The following FBXO9 variants were observed in gnomAD, a reference collection of about 807,000 sequenced individuals.
The protein encoded by FBXO9 is F-box only protein 9.
Under a neutral mutation model 63.7 loss-of-function variants are expected in FBXO9, and 43 were observed. The ratio of observed to expected loss-of-function variants is 0.67; its 90% CI spans 0.53 to 0.87. FBXO9 has a LOEUF of 0.87. Among genes scored for constraint, FBXO9 ranks in the 40% least tolerant of loss-of-function variants. The probability of loss-of-function intolerance (pLI) is 0.00; values close to 1 mark genes in which losing one functional copy is unlikely to be tolerated. For synonymous variants in FBXO9, 156 were observed against 171.7 expected (o/e 0.91, Z 0.72); for missense variants, 442 against 533.2 (o/e 0.83, Z 1.68).
At chr6:53,071,036 A>T (rs1020240754) in intron 1 of FBXO9, 21 bp from the exon 2 acceptor site, 2 of 1,561,290 alleles carry the variant, frequency 1.3e-6, no homozygotes, top group Non-Finnish European at 1.7e-6. Context: ...GCCTGACATT[A>T]TTTGGGTTTT....
At chr6:53,066,607 A>G (rs1021945431) in intron 1 of FBXO9, among the ~76,000 whole-genome samples, 6 of 152,256 alleles carry the variant, frequency 3.9e-5, no homozygotes, top group African/African-American at 1.4e-4. Context: ...GAATGGCTGA[A>G]TTTATTTTTA....
At chr6:53,090,308 C>T (rs1471496773) in intron 7 of FBXO9, among the ~76,000 whole-genome samples, 1 of 152,180 alleles carries the variant, frequency 6.6e-6, no homozygotes, top group African/African-American at 2.4e-5. Context: ...GGATTTTCTT[C>T]ACATTCATGA....
intron 7 of FBXO9, among the ~76,000 whole-genome samples, chr6:53,089,989 A>G (rs1249864029): frequency 3.3e-5 from 5 of 152,328 alleles, no homozygotes; most frequent in African/African-American, 4.8e-5. Context: ...GAGCATCACA[A>G]TGGGAATACA....
chr6:53,087,361 AAAG>A (rs966957503), intron 7 of FBXO9, among the ~76,000 whole-genome samples: 6 of 151,582 alleles, frequency 4.0e-5, no homozygotes, highest in African/African-American at 1.2e-4. Context: ...AAAAAAAAAA[AAAG>A]AGATAAACAT....
intron 7 of FBXO9, among the ~76,000 whole-genome samples, chr6:53,088,630 A>C (rs1581825891): frequency 1.4e-5 from 2 of 144,846 alleles, no homozygotes; most frequent in African/African-American, 2.6e-5. Flanking sequence ...GGACAGTCTC[A>C]CTCTGTCGCC....
intron 1 of FBXO9, among the ~76,000 whole-genome samples, chr6:53,066,324 C>G (rs1768697169): frequency 6.6e-6 from 1 of 152,160 alleles, no homozygotes; most frequent in Non-Finnish European, 1.5e-5. Flanking sequence ...AGGATGTTGG[C>G]AGGCGGTCCT....
chr6:53,072,647 GTTCT>G (rs1257932291), intron 2 of FBXO9, among the ~76,000 whole-genome samples: 1 of 152,128 alleles, frequency 6.6e-6, no homozygotes, highest in East Asian at 1.9e-4. Context: ...TGGGTAACAA[GTTCT>G]TTATTTCTGA....
rs1763301603 is a variant in FBXO9, at chr6:53,099,703, C to T, written c.*1873C>T. On this transcript the variant is annotated 3_prime_UTR_variant, in exon 13 of 13. Transcript: ENST00000323557. ...GCTACAGTGAGCCAAGATTGCACCACTGTGCTCCAGCCTGGGTGAGAAAGC... is the reference window on the plus strand; with the variant it reads ...GCTACAGTGAGCCAAGATTGCACCATTGTGCTCCAGCCTGGGTGAGAAAGC... The T allele has an allele frequency of 6.6e-6, 1 of 152,142 alleles. No homozygotes were observed. The highest frequency in any genetic ancestry group is 2.1e-4 in the South Asian group (1 of 4,820). 9.4% of individuals were successfully genotyped at this position (152,142 alleles called of 1,614,324 possible).
chr6:53,093,401 G>A (rs1763103354), intron 9 of FBXO9, 65 bp from the exon 10 acceptor site: 1 of 1,106,562 alleles, frequency 9.0e-7, no homozygotes, highest in Non-Finnish European at 1.4e-6. Flanking sequence ...GGTACTAATA[G>A]ATAAGGACAT....
chr6:53,093,810 G>A (rs1421750798), intron 10 of FBXO9, 75 bp from the exon 11 acceptor site: 1 of 1,176,732 alleles, frequency 8.5e-7, no homozygotes, highest in East Asian at 2.6e-5. Flanking sequence ...AAACACTGTT[G>A]TAATTTGTTA....
At chr6:53,077,848 A>G (rs531336329) in intron 4 of FBXO9, among the ~76,000 whole-genome samples, 7 of 152,296 alleles carry the variant, frequency 4.6e-5, no homozygotes, top group South Asian at 2.1e-4. Context: ...ATCCAGAATA[A>G]TAGAACATGG....
Position 53,093,997 on chromosome 6 carries a change from A to G in FBXO9, c.1053+19A>G. On this transcript the variant is annotated intron_variant, in intron 11 of 12. Transcript: ENST00000323557. Reference sequence around the variant, plus strand: ...AGAAGAAGTGAGTATACGAGGTGTAATTAATAGTTTTCTTATCTTAATAGC... The same window carrying G: ...AGAAGAAGTGAGTATACGAGGTGTAGTTAATAGTTTTCTTATCTTAATAGC... 1 of 1,480,114 alleles carries G rather than the reference A, an allele frequency of 6.8e-7. No individual in the cohort carries two copies. Among genetic ancestry groups the G allele is most frequent in the Non-Finnish European group, 9.1e-7 (1 of 1,093,956 alleles). The allele number at this position is 1,480,114 out of a possible 1,614,324, so 91.7% of individuals were successfully genotyped here.
At position 53,100,421 on chromosome 6, in the gene FBXO9, G is replaced by C. The variant is rs1351383053; in HGVS notation, c.*2591G>C. 1.3e-5 allele frequency: 2 copies of C among 152,154 alleles called. No individual in the cohort carries two copies. The highest frequency in any genetic ancestry group is 2.9e-5 in the Non-Finnish European group (2 of 68,024). 9.4% of individuals were successfully genotyped at this position (152,154 alleles called of 1,614,324 possible). On this transcript the variant is annotated 3_prime_UTR_variant, in exon 13 of 13. Coordinates refer to ENST00000323557, the MANE Select transcript of FBXO9 (RefSeq NM_033480.3). ...TCAGATCGTGCTGGAACTGTGTTCA[G>C]AAGATATCCTCAGAGGGAATCTGGC...
chr6:53,097,977 G>A lies in FBXO9; in HGVS notation c.*147G>A, dbSNP rs1256648608. The A allele has an allele frequency of 8.4e-6, 1 of 119,498 alleles. No individual in the cohort carries two copies. 7.4% of individuals were successfully genotyped at this position (119,498 alleles called of 1,614,324 possible). A position where few individuals can be genotyped will look rare whatever the true frequency, so the allele number is the denominator to read the frequency against. ...ATATATATATATATATATATATATG[G>A]AATTGGAACTTATTTTAAATTGTTG... On this transcript the variant is annotated 3_prime_UTR_variant, in exon 13 of 13. Coordinates refer to ENST00000323557, the MANE Select transcript of FBXO9 (RefSeq NM_033480.3).
chr6:53,075,031 G>T (rs1769049141), intron 3 of FBXO9, among the ~76,000 whole-genome samples: 1 of 152,160 alleles, frequency 6.6e-6, no homozygotes, highest in South Asian at 2.1e-4. Flanking sequence ...AACTGCCAAA[G>T]TGTTTTCTAG....
upstream of FBXO9, chr6:53,065,200 A>T (rs1768639548): frequency 6.6e-6 from 1 of 152,176 alleles, no homozygotes; most frequent in Non-Finnish European, 1.5e-5. Context: ...GGTTGTAAAA[A>T]TTTTTGAGGT....
intron 6 of FBXO9, among the ~76,000 whole-genome samples, chr6:53,082,198 T>TCA (rs755166513): frequency 2.0e-5 from 3 of 152,176 alleles, no homozygotes; most frequent in Non-Finnish European, 4.4e-5. Flanking sequence ...GCAATATGGA[T>TCA]CACACACACA....
chr6:53,097,675 G>A (rs9474385), intron 12 of FBXO9, 47 bp from the exon 13 acceptor site: 24,618 of 1,107,862 alleles, frequency 0.022, 1,021 homozygotes, highest in African/African-American at 0.16. Flanking sequence ...GATTTTAAAT[G>A]AATTGAAATT....
chr6:53,068,305 C>T (rs778855564), intron 1 of FBXO9, among the ~76,000 whole-genome samples: 33 of 152,134 alleles, frequency 2.2e-4, no homozygotes, highest in Non-Finnish European at 4.1e-4. Flanking sequence ...GGCAACATGC[C>T]ATTTTCACTG....
Sources: allele counts gnomAD v4.1 joint callset (sites outside exome capture counted in the v4.1 genomes callset), GRCh38; gene constraint gnomAD v4.1.1; transcripts MANE v1.5; gene names NCBI Gene and HGNC (gene_info 2026-07-23, HGNC 2026-07-21).